Variants in CR2 observed in about 807,000 individuals in gnomAD.
The protein encoded by CR2 is complement C3d receptor 2, also known as complement receptor type 2.
A neutral mutation model predicts 123.0 loss-of-function variants in CR2; 96 were observed. The ratio of observed to expected loss-of-function variants is 0.78; its 90% CI spans 0.66 to 0.93. The LOEUF is 0.93. Among genes scored for constraint, CR2 ranks in the 40% least tolerant of loss-of-function variants. CR2 has a pLI of 0.00. For missense variants in CR2, 1,258 were observed against 1,361.0 expected, an observed-to-expected ratio of 0.92 and a Z score of 1.19; for synonymous variants, 484 against 469.5, an observed-to-expected ratio of 1.03 and a Z score of -0.40.
chr1:207,466,647 A>G lies in CR2; in HGVS notation c.180A>G (p.Glu60=). The G allele has an allele frequency of 6.2e-7, 1 of 1,614,148 alleles. No homozygotes were observed. Among genetic ancestry groups the G allele is most frequent in the Non-Finnish European group, 8.5e-7 (1 of 1,179,996 alleles). ...CAGGTACCTTCCGCCTCATTGGAGA[A>G]AAAAGTCTATTATGCATAACTAAAG... ...SCSGTFRLIG[E]KSLLCITKDK... is the part of the protein sequence containing the mutation. The change falls in exon 2 of 20, where the codon GAA becomes GAG. Residue 60 remains glutamate, a synonymous_variant. Coordinates refer to ENST00000367057, the MANE Select transcript of CR2 (RefSeq NM_001006658.3).
At chr1:207,467,635 C>G (rs986739758) in intron 2 of CR2, among the ~76,000 whole-genome samples, 1 of 151,982 alleles carries the variant, frequency 6.6e-6, no homozygotes, top group African/African-American at 2.4e-5. Flanking sequence ...AAAGAGCTGA[C>G]AAAACTGTTA....
chr1:207,489,185 A>G lies in CR2; in HGVS notation c.*62A>G, dbSNP rs186563309. Reference sequence around the variant, plus strand: ...ATTCAGCGGAATATTGATTAGAAAGAAACTGCTCTAATATCAGCAAGTCTC... The same window carrying G: ...ATTCAGCGGAATATTGATTAGAAAGGAACTGCTCTAATATCAGCAAGTCTC... On this transcript the variant is annotated 3_prime_UTR_variant, in exon 20 of 20. Transcript: ENST00000367057. 2 of 152,370 alleles carry G rather than the reference A, an allele frequency of 1.3e-5. No homozygotes were observed. The highest frequency in any genetic ancestry group is 3.9e-4 in the East Asian group (2 of 5,186). The allele number at this position is 152,370 out of a possible 1,614,324, so 9.4% of individuals were successfully genotyped here.
chr1:207,461,302 C>T (rs762086883), intron 1 of CR2, among the ~76,000 whole-genome samples: 1 of 152,130 alleles, frequency 6.6e-6, no homozygotes, highest in African/African-American at 2.4e-5. Context: ...CAAACTAAAA[C>T]CACTAATTTT....
chr1:207,489,467 T>G lies in CR2; in HGVS notation c.*344T>G, dbSNP rs1572970413. 5 of 152,376 alleles carry G rather than the reference T, an allele frequency of 3.3e-5. No individual in the cohort carries two copies. Among genetic ancestry groups the G allele is most frequent in the Admixed American group, 3.3e-4 (5 of 15,302 alleles). 9.4% of individuals were successfully genotyped at this position (152,376 alleles called of 1,614,324 possible). A position where few individuals can be genotyped will look rare whatever the true frequency, so the allele number is the denominator to read the frequency against. On this transcript the variant is annotated 3_prime_UTR_variant, in exon 20 of 20. Coordinates refer to ENST00000367057, the MANE Select transcript of CR2 (RefSeq NM_001006658.3). ...AGCTGTCCTGGTATCTAGACCCATC[T>G]TCTTTTTGAAATCAGCATACTCAAT...
intron 18 of CR2, among the ~76,000 whole-genome samples, chr1:207,482,104 T>C (rs1055546959): frequency 6.6e-6 from 1 of 152,172 alleles, no homozygotes; most frequent in Non-Finnish European, 1.5e-5. Context: ...CTAAAAATGA[T>C]ACTGCATCCT....
At chr1:207,459,321 GTT>G (rs11398940) in intron 1 of CR2, among the ~76,000 whole-genome samples, 3 of 144,652 alleles carry the variant, frequency 2.1e-5, no homozygotes, top group Non-Finnish European at 4.6e-5. Flanking sequence ...GTTTTTTGTT[GTT>G]TTTTTTTTTA....
rs755195956 is a variant in CR2 at position 207,476,325 on chromosome 1, G to T, written c.2808G>T (p.Leu936=). 4 of 1,613,974 alleles carry T rather than the reference G, an allele frequency of 2.5e-6. No individual in the cohort carries two copies. The highest frequency in any genetic ancestry group is 3.4e-6 in the Non-Finnish European group (4 of 1,179,902). ...GATTTTCTCCTGGAATGTCAATCCT[G>T]TACAGCTGTGACCAAGGCTACCTGC... ...IARFSPGMSI[L]YSCDQGYLLV... is the part of the protein sequence containing the mutation. Residue 936 remains leucine, a synonymous_variant, in exon 15 of 20, where the codon CTG becomes CTT. Coordinates refer to ENST00000367057, the MANE Select transcript of CR2 (RefSeq NM_001006658.3).
At chr1:207,472,181 G>A (rs1329710869) in intron 9 of CR2, among the ~76,000 whole-genome samples, 6 of 151,860 alleles carry the variant, frequency 4.0e-5, no homozygotes, top group Admixed American at 6.6e-5. Context: ...CCCGGGAGGC[G>A]GAGATTGCAG....
chr1:207,477,774 CTGAGAG>C, intron 15 of CR2, 105 bp from the exon 16 acceptor site: 1 of 859,790 alleles, frequency 1.2e-6, no homozygotes. Flanking sequence ...GCTTTCCTTA[CTGAGAG>C]TGAAACAGGT....
At chr1:207,457,257 C>T (rs1657855521) in intron 1 of CR2, among the ~76,000 whole-genome samples, 1 of 152,194 alleles carries the variant, frequency 6.6e-6, no homozygotes, top group African/African-American at 2.4e-5. Context: ...ATGTTTCCTC[C>T]TATAACAATG....
In CR2 at chr1:207,454,674, G is replaced by A; in HGVS notation, c.58+198G>A. 1.9e-6 allele frequency: 1 copy of A among 519,108 alleles called. No individual in the cohort carries two copies. The highest frequency in any genetic ancestry group is 3.4e-6 in the Non-Finnish European group (1 of 295,680). 32.2% of individuals were successfully genotyped at this position (519,108 alleles called of 1,614,324 possible). A position where few individuals can be genotyped will look rare whatever the true frequency, so the allele number is the denominator to read the frequency against. On this transcript the variant is annotated intron_variant, in intron 1 of 19. Transcript: ENST00000367057. The surrounding 1 kb of genome is among the most constrained non-coding windows in gnomAD (Gnocchi z 4.3). ...TCCCCACTGGCCCCTCCGGGAGCTG[G>A]GACCTCCAGAATTGGAGGCTGCGCC...
chr1:207,469,594 G>T, intron 5 of CR2, 101 bp from the exon 6 acceptor site: 1 of 1,062,742 alleles, frequency 9.4e-7, no homozygotes, highest in East Asian at 2.4e-5. Flanking sequence ...TTATAGACTC[G>T]GATATCACTG....
chr1:207,479,877 C>T, intron 17 of CR2, 101 bp from the exon 18 acceptor site: 1 of 836,056 alleles, frequency 1.2e-6, no homozygotes, highest in African/African-American at 1.7e-5. Flanking sequence ...GTATGAGTCA[C>T]ATAACATTTT....
intron 12 of CR2, 135 bp from the exon 13 acceptor site, chr1:207,474,106 T>TA (rs879074006): frequency 3.7e-5 from 33 of 900,502 alleles, no homozygotes; most frequent in South Asian, 7.1e-5. Context: ...TTACTTGGAG[T>TA]AAAAAAAAGT....
chr1:207,475,359 C>T (rs1658408447), intron 14 of CR2, 143 bp downstream of exon 14: 21 of 846,758 alleles, frequency 2.5e-5, no homozygotes, highest in Non-Finnish European at 3.8e-5. Context: ...TTTGCCTTTT[C>T]CTATCTTCTC....
intron 19 of CR2, among the ~76,000 whole-genome samples, chr1:207,485,839 G>A (rs1199615841): frequency 6.6e-6 from 1 of 152,060 alleles, no homozygotes; most frequent in East Asian, 1.9e-4. Context: ...GCATTATATA[G>A]AGACATAATA....
rs573658156 is a variant in CR2 at position 207,468,290 on chromosome 1, T to C, written c.446-237T>C. 353 of 545,596 alleles carry C rather than the reference T, an allele frequency of 6.5e-4. 1 individual carries two copies. Among genetic ancestry groups the C allele is most frequent in the Non-Finnish European group, 1.1e-3 (324 of 305,572 alleles). The allele number at this position is 545,596 out of a possible 1,614,324, so 33.8% of individuals were successfully genotyped here. A position where few individuals can be genotyped will look rare whatever the true frequency, so the allele number is the denominator to read the frequency against. On this transcript the variant is annotated intron_variant, in intron 2 of 19. Coordinates refer to ENST00000367057, the MANE Select transcript of CR2 (RefSeq NM_001006658.3). ...TGGACAGCATGTGGCCCAGGATGGC[T>C]TTGAATGTGGCCCAACAGAAATTCA...
chr1:207,479,589 C>T (rs138313826), intron 17 of CR2, among the ~76,000 whole-genome samples: 1,914 of 152,294 alleles, frequency 0.013, 33 homozygotes, highest in African/African-American at 0.04. Flanking sequence ...TAGCAAAATA[C>T]ATTTCACAGC....
intron 1 of CR2, among the ~76,000 whole-genome samples, chr1:207,464,718 A>G (rs1021372618): frequency 1.3e-5 from 2 of 152,176 alleles, no homozygotes; most frequent in East Asian, 3.9e-4. Context: ...AAAGGCAGCA[A>G]TGTAATATGG....
Sources: allele counts gnomAD v4.1 joint callset (sites outside exome capture counted in the v4.1 genomes callset), GRCh38; gene constraint gnomAD v4.1.1; non-coding constraint Gnocchi (gnomAD v3.1); transcripts MANE v1.5; gene names NCBI Gene and HGNC (gene_info 2026-07-23, HGNC 2026-07-21).